AP3B1: variants seen among roughly 807,000 people sequenced by gnomAD.
AP3B1 encodes adaptor related protein complex 3 subunit beta 1.
In AP3B1, 61 loss-of-function variants were observed where a neutral mutation model predicts 132.5. That is an observed-to-expected ratio of 0.46 (90% CI 0.37 to 0.57). The LOEUF (loss-of-function observed/expected upper bound fraction) is 0.57. Ranked by LOEUF, AP3B1 falls within the 20% of genes least tolerant of loss-of-function variation. The pLI, the probability that AP3B1 is intolerant of heterozygous loss-of-function variation, is 0.00. For synonymous variants in AP3B1, 388 were observed against 438.3 expected, an observed-to-expected ratio of 0.89 and a Z score of 1.43; for missense variants, 1,120 against 1,289.4, an observed-to-expected ratio of 0.87 and a Z score of 2.01.
chr5:78,198,865 C>T (rs1250523527), intron 7 of AP3B1, among the ~76,000 whole-genome samples: 1 of 152,152 alleles, frequency 6.6e-6, no homozygotes, highest in Admixed American at 6.6e-5. Flanking sequence ...AAAAAATTCA[C>T]GTTTAATAAA....
chr5:78,040,745 C>T (rs1284188539), intron 22 of AP3B1, among the ~76,000 whole-genome samples: 2 of 152,016 alleles, frequency 1.3e-5, no homozygotes, highest in Admixed American at 6.5e-5. Flanking sequence ...TGTCTCCCAA[C>T]TAGATTCTCT....
intron 13 of AP3B1, among the ~76,000 whole-genome samples, chr5:78,160,110 A>G (rs1298267860): frequency 3.3e-5 from 5 of 152,088 alleles, no homozygotes; most frequent in Admixed American, 6.5e-5. Flanking sequence ...AGACTATAAT[A>G]TATTTGTCTT....
intron 23 of AP3B1, among the ~76,000 whole-genome samples, chr5:78,037,318 A>G (rs1297169786): frequency 6.6e-6 from 1 of 152,152 alleles, no homozygotes; most frequent in Admixed American, 6.5e-5. Flanking sequence ...TAACTAGGTA[A>G]AAAAGGTTGA....
chr5:78,218,413 C>T (rs1483956623), intron 6 of AP3B1, among the ~76,000 whole-genome samples: 1 of 152,032 alleles, frequency 6.6e-6, no homozygotes, highest in East Asian at 1.9e-4. Flanking sequence ...ATGCAGTTTT[C>T]CATTTATGTA....
At chr5:78,087,207 G>T (rs925650091) in intron 22 of AP3B1, among the ~76,000 whole-genome samples, 2 of 151,962 alleles carry the variant, frequency 1.3e-5, no homozygotes, top group Admixed American at 6.6e-5. Context: ...CTTCATTTCA[G>T]GATCCAAAAA....
chr5:78,255,316 A>G (rs945283782), intron 2 of AP3B1, among the ~76,000 whole-genome samples: 2 of 152,118 alleles, frequency 1.3e-5, no homozygotes, highest in Non-Finnish European at 2.9e-5. Context: ...AATGGATGAA[A>G]AAACAAAACC....
chr5:78,038,998 A>G (rs751695483), intron 23 of AP3B1, 45 bp downstream of exon 23: 30 of 1,150,484 alleles, frequency 2.6e-5, no homozygotes, highest in Non-Finnish European at 3.8e-5. Flanking sequence ...GAACATATTT[A>G]GTGATCAAAT....
At chr5:78,219,478 A>G (rs1340960354) in intron 6 of AP3B1, among the ~76,000 whole-genome samples, 3 of 152,172 alleles carry the variant, frequency 2.0e-5, no homozygotes, top group South Asian at 2.1e-4. Context: ...TATAAAATTT[A>G]AGAATAAACA....
intron 6 of AP3B1, chr5:78,222,035 A>T (rs1353787002): frequency 6.6e-6 from 1 of 152,190 alleles, no homozygotes; most frequent in Non-Finnish European, 1.5e-5. Flanking sequence ...TGATGGCACT[A>T]AACAATATAA....
At chr5:78,074,809 G>A (rs753301011) in intron 22 of AP3B1, among the ~76,000 whole-genome samples, 2 of 152,042 alleles carry the variant, frequency 1.3e-5, no homozygotes, top group African/African-American at 4.8e-5. Context: ...CTAGCCGGGC[G>A]TGGTGGCACA....
At chr5:78,005,035 C>G (rs1305403231) in intron 26 of AP3B1, among the ~76,000 whole-genome samples, 1 of 152,180 alleles carries the variant, frequency 6.6e-6, no homozygotes. Context: ...TTTTCAGGCT[C>G]TTCTGCTTCA....
chr5:78,039,131 A>T lies in AP3B1; in HGVS notation c.2721T>A (p.Asn907Lys). ...DKMVSIQITLNNTTDRKIENI... is the reference protein window; with the variant it reads ...DKMVSIQITLKNTTDRKIENI... Reference sequence around the variant, plus strand: ...TTTCTATCTTTCGATCAGTAGTGTTATTCAGTGTTATTTGTATAGAGACCA... The same window carrying T: ...TTTCTATCTTTCGATCAGTAGTGTTTTTCAGTGTTATTTGTATAGAGACCA... The change falls in exon 23 of 27, where the codon AAT becomes AAA. Residue 907 changes from asparagine to lysine, a missense_variant. Asn to Lys is a moderately conservative substitution (Grantham distance 94, BLOSUM62 0). This residue lies in a region of AP3B1 where 906 missense variants were observed against 997.1 expected (regional missense o/e 0.91). Coordinates refer to ENST00000255194, the MANE Select transcript of AP3B1 (RefSeq NM_003664.5). 6.2e-7 allele frequency: 1 copy of T among 1,613,548 alleles called. No homozygotes were observed.
At chr5:78,118,443 A>G (rs1401753020) in intron 17 of AP3B1, among the ~76,000 whole-genome samples, 1 of 152,198 alleles carries the variant, frequency 6.6e-6, no homozygotes, top group Non-Finnish European at 1.5e-5. Flanking sequence ...GGGGTGACAG[A>G]CGGCACCTGG....
chr5:78,082,525 T>G (rs1008430283), intron 22 of AP3B1, among the ~76,000 whole-genome samples: 1 of 152,224 alleles, frequency 6.6e-6, no homozygotes, highest in African/African-American at 2.4e-5. Flanking sequence ...GGGAAAAGTA[T>G]TATCTCCATT....
At chr5:78,113,995 A>G (rs1196061826) in intron 18 of AP3B1, 72 bp from the exon 19 acceptor site, 18 of 1,514,144 alleles carry the variant, frequency 1.2e-5, no homozygotes, top group Non-Finnish European at 1.6e-5. Flanking sequence ...GTAACTGTCA[A>G]TATTCATCAC....
Position 78,216,105 on chromosome 5 carries a change from G to A in AP3B1, c.736C>T (p.His246Tyr). The A allele has an allele frequency of 6.2e-7, 1 of 1,614,012 alleles. No homozygotes were observed. The highest frequency in any genetic ancestry group is 8.5e-7 in the Non-Finnish European group (1 of 1,179,930). ...GTCCGAGCATATCGAGTTAGCATGT[G>A]GATTATGACAACCTGCCCCCACTCT... Reference protein sequence around the residue: ...VEEWGQVVIIHMLTRYARTQF... With the variant: ...VEEWGQVVIIYMLTRYARTQF... Residue 246 changes from histidine to tyrosine, a missense_variant, in exon 7 of 27, where the codon CAC becomes TAC. Around this residue, in one of 3 missense-constraint regions of AP3B1, gnomAD observed 906 missense variants for 997.1 expected, o/e 0.91. Coordinates refer to ENST00000255194, the MANE Select transcript of AP3B1 (RefSeq NM_003664.5).
chr5:78,100,440 G>T (rs538271492), intron 21 of AP3B1, among the ~76,000 whole-genome samples: 1 of 152,120 alleles, frequency 6.6e-6, no homozygotes, highest in Non-Finnish European at 1.5e-5. Flanking sequence ...TGAATTCTTA[G>T]ATTTGCTGGG....
chr5:78,202,551 C>CTGTGTGTG (rs1745338037), intron 7 of AP3B1, among the ~76,000 whole-genome samples: 1 of 56,306 alleles, frequency 1.8e-5, no homozygotes, highest in African/African-American at 6.7e-5. Context: ...GCCATATATT[C>CTGTGTGTG]AGTGTGTGTG....
At chr5:78,279,765 T>G (rs1336796823) in intron 1 of AP3B1, among the ~76,000 whole-genome samples, 1 of 148,054 alleles carries the variant, frequency 6.8e-6, no homozygotes, top group African/African-American at 2.5e-5. Flanking sequence ...ATATATATTT[T>G]TTAACATATT....
Sources: gnomAD v4.1 joint callset for allele counts (sites outside exome capture counted in the v4.1 genomes callset) on GRCh38, gnomAD v4.1.1 for gene constraint, gnomAD v4.1.1 regional missense constraint, MANE v1.5 for transcripts, NCBI Gene and HGNC (gene_info 2026-07-23, HGNC 2026-07-21) for gene names.